ARL15: variants seen among roughly 807,000 people sequenced by gnomAD.
ARL15 encodes the protein ADP-ribosylation factor-like protein 15.
ARL15 carries 19 observed loss-of-function variants against 25.2 expected under a neutral mutation model. That is an observed-to-expected ratio of 0.75 (90% CI 0.53 to 1.10). The LOEUF (loss-of-function observed/expected upper bound fraction) is 1.10, where lower values mean the gene tolerates loss of function less well. Among genes scored for constraint, ARL15 ranks in the 50% least tolerant of loss-of-function variants. The probability of loss-of-function intolerance (pLI) is 0.00; values close to 1 mark genes in which losing one functional copy is unlikely to be tolerated. For missense variants in ARL15, 220 were observed against 246.0 expected (o/e 0.89, Z 0.71); for synonymous variants, 94 against 86.8 (o/e 1.08, Z -0.46).
At chr5:53,924,146 C>A (rs718086) in intron 4 of ARL15, among the ~76,000 whole-genome samples, 9,730 of 152,230 alleles carry the variant, frequency 0.064, 600 homozygotes, top group East Asian at 0.33. Flanking sequence ...TCCGAAGGCC[C>A]ATGAGCACCT....
rs753565009 is a variant in ARL15, at chr5:54,171,944, G to GA, written c.49-17dup. On this transcript the variant is annotated splice_polypyrimidine_tract_variant and intron_variant, in intron 1 of 4. Transcript: ENST00000504924. ...CTCTAAAACACTGCCAAAAGAAGGG[G>GA]AAAAAAATGTTCCTTTAAATGACAG... 22 of 1,594,522 alleles carry GA rather than the reference G, an allele frequency of 1.4e-5. No homozygotes were observed. The highest frequency in any genetic ancestry group is 4.1e-5 in the African/African-American group (3 of 73,822).
chr5:54,170,318 C>T (rs2112396872), intron 2 of ARL15, among the ~76,000 whole-genome samples: 1 of 152,302 alleles, frequency 6.6e-6, no homozygotes, highest in Non-Finnish European at 1.5e-5. Context: ...TCTGCCTCCG[C>T]CTCCAACTGC....
chr5:54,243,062 A>C (rs1483418318), intron 1 of ARL15, among the ~76,000 whole-genome samples: 1 of 152,224 alleles, frequency 6.6e-6, no homozygotes, highest in Non-Finnish European at 1.5e-5. Context: ...TGAATCATTT[A>C]ATTATTTGAA....
intron 4 of ARL15, among the ~76,000 whole-genome samples, chr5:53,956,779 A>T (rs1291620937): frequency 6.6e-6 from 1 of 152,114 alleles, no homozygotes; most frequent in Non-Finnish European, 1.5e-5. Context: ...CCAAACAGAA[A>T]ATCTGGAGCT....
chr5:54,162,578 C>A (rs1353917982), intron 2 of ARL15, among the ~76,000 whole-genome samples: 1 of 152,094 alleles, frequency 6.6e-6, no homozygotes, highest in African/African-American at 2.4e-5. Flanking sequence ...ATATATGGAC[C>A]TCTGCATTCC....
chr5:54,000,290 C>A (rs1007184006), intron 4 of ARL15, among the ~76,000 whole-genome samples: 1 of 152,152 alleles, frequency 6.6e-6, no homozygotes, highest in Non-Finnish European at 1.5e-5. Context: ...AGTTTTCAAT[C>A]TTTTGAAAAC....
At chr5:54,189,955 T>G (rs1265914436) in intron 1 of ARL15, among the ~76,000 whole-genome samples, 1 of 152,134 alleles carries the variant, frequency 6.6e-6, no homozygotes, top group African/African-American at 2.4e-5. Flanking sequence ...TGTAGACAAC[T>G]CCTAAAACTG....
intron 4 of ARL15, among the ~76,000 whole-genome samples, chr5:54,103,280 A>AT (rs1752493323): frequency 6.6e-6 from 1 of 152,120 alleles, no homozygotes. Flanking sequence ...AGCAAAGACC[A>AT]TAACAGGCCC....
intron 4 of ARL15, among the ~76,000 whole-genome samples, chr5:54,025,287 CAAA>C (rs756211559): frequency 1.2e-5 from 1 of 80,190 alleles, no homozygotes; most frequent in Non-Finnish European, 2.5e-5. Context: ...ACAAAGGGAC[CAAA>C]AAAAAAAAAA....
intron 2 of ARL15, among the ~76,000 whole-genome samples, chr5:54,168,058 G>A (rs946946918): frequency 6.6e-6 from 1 of 152,208 alleles, no homozygotes; most frequent in African/African-American, 2.4e-5. Context: ...ATCAAAAGCA[G>A]ATGCTGTAAT....
intron 4 of ARL15, among the ~76,000 whole-genome samples, chr5:54,088,035 T>G (rs1327658274): frequency 1.3e-5 from 2 of 152,184 alleles, no homozygotes; most frequent in Non-Finnish European, 2.9e-5. Context: ...GCTGATTGAT[T>G]GTACAGTTAC....
intron 4 of ARL15, among the ~76,000 whole-genome samples, chr5:53,997,451 C>T (rs1183973705): frequency 5.0e-5 from 7 of 139,432 alleles, no homozygotes; most frequent in Non-Finnish European, 1.1e-4. Flanking sequence ...TGATGAATAG[C>T]AGGCCTTCCC....
chr5:53,972,953 T>C (rs1313407411), intron 4 of ARL15, among the ~76,000 whole-genome samples: 1 of 152,152 alleles, frequency 6.6e-6, no homozygotes. Context: ...TAAAGATACT[T>C]GAAGATAAAT....
At chr5:54,142,054 TCTC>T in intron 3 of ARL15, among the ~76,000 whole-genome samples, 1 of 152,324 alleles carries the variant, frequency 6.6e-6, no homozygotes, top group African/African-American at 2.4e-5. Flanking sequence ...AGTTTTCACT[TCTC>T]CTAAGAGTGG....
At chr5:54,088,108 C>T (rs566162677) in intron 4 of ARL15, among the ~76,000 whole-genome samples, 1 of 152,274 alleles carries the variant, frequency 6.6e-6, no homozygotes, top group African/African-American at 2.4e-5. Flanking sequence ...GCAAGATATA[C>T]TGCCAACTAG....
chr5:54,144,756 C>G (rs999928468), intron 3 of ARL15, among the ~76,000 whole-genome samples: 1 of 152,136 alleles, frequency 6.6e-6, no homozygotes, highest in African/African-American at 2.4e-5. Context: ...GGTGGGCTTT[C>G]TAACCCACCT....
intron 4 of ARL15, among the ~76,000 whole-genome samples, chr5:53,917,336 C>T (rs1463350123): frequency 2.6e-5 from 4 of 152,190 alleles, no homozygotes; most frequent in Non-Finnish European, 5.9e-5. Flanking sequence ...GAGAATTACT[C>T]CATTGGCTCA....
chr5:54,175,656 C>T (rs1411825684), intron 1 of ARL15, among the ~76,000 whole-genome samples: 1 of 147,478 alleles, frequency 6.8e-6, no homozygotes, highest in Non-Finnish European at 1.5e-5. Flanking sequence ...TTCTTTTTCT[C>T]TCTTTTTTTT....
intron 1 of ARL15, among the ~76,000 whole-genome samples, chr5:54,252,864 T>C (rs939142800): frequency 3.9e-5 from 6 of 152,026 alleles, no homozygotes; most frequent in African/African-American, 1.2e-4. Context: ...GCTGGGACCA[T>C]AGAGGCGCGC....
Sources: gnomAD v4.1 joint callset for allele counts (sites outside exome capture counted in the v4.1 genomes callset) on GRCh38, gnomAD v4.1.1 for gene constraint, MANE v1.5 for transcripts, NCBI Gene and HGNC (gene_info 2026-07-23, HGNC 2026-07-21) for gene names.